PANK1: variants seen among roughly 807,000 people sequenced by gnomAD.
PANK1 encodes pantothenate kinase 1, also known as pantothenic acid kinase 1.
PANK1 carries 18 observed loss-of-function variants against 40.1 expected under a neutral mutation model. That is an observed-to-expected ratio of 0.45 (90% confidence interval 0.31 to 0.67). The LOEUF is 0.67. Ranked by LOEUF, PANK1 falls within the 30% of genes least tolerant of loss-of-function variation. The probability of loss-of-function intolerance (pLI) is 0.06; values close to 1 mark genes in which losing one functional copy is unlikely to be tolerated. For synonymous variants in PANK1, 242 were observed against 237.7 expected, an observed-to-expected ratio of 1.02 and a Z score of -0.17; for missense variants, 457 against 599.6, an observed-to-expected ratio of 0.76 and a Z score of 2.48.
chr10:89,628,257 C>A (rs549669956), intron 1 of PANK1, among the ~76,000 whole-genome samples: 1 of 152,032 alleles, frequency 6.6e-6, no homozygotes, highest in Non-Finnish European at 1.5e-5. Flanking sequence ...TTCACAATAG[C>A]CAAAAAGTAG....
Position 89,644,699 on chromosome 10 carries a change from G to A in PANK1, c.193C>T (p.Pro65Ser). The change falls in exon 1 of 7, where the codon CCG becomes TCG. Residue 65 changes from proline to serine, a missense_variant. Physicochemically the swap from Pro to Ser is moderately conservative, Grantham distance 74 (BLOSUM62 -1). Transcript: ENST00000307534. ...DAAPQRLPLL[P>S]ELQPQPLLPQ... ...AGCAGTGGCTGCGGCTGCAGCTCCG[G>A]CAGGAGCGGGAGGCGCTGGGGCGCC... 2 of 1,545,112 alleles carry A rather than the reference G, an allele frequency of 1.3e-6. No homozygotes were observed. Among genetic ancestry groups the A allele is most frequent in the Non-Finnish European group, 1.7e-6 (2 of 1,152,758 alleles).
intron 1 of PANK1, among the ~76,000 whole-genome samples, chr10:89,613,247 C>G (rs557249491): frequency 9.9e-5 from 15 of 152,242 alleles, no homozygotes; most frequent in African/African-American, 3.6e-4. Flanking sequence ...TGGCAAAACC[C>G]AAAACTGTAA....
In PANK1 at chr10:89,584,345, T is replaced by C. The variant is rs1300647791; in HGVS notation, c.*61A>G. Reference sequence around the variant, plus strand: ...CCGTCCCAAAGCGACTTTCACCTTCTCCAGCAGCAATTTTTTAGTTCTCTG... The same window carrying C: ...CCGTCCCAAAGCGACTTTCACCTTCCCCAGCAGCAATTTTTTAGTTCTCTG... On this transcript the variant is annotated 3_prime_UTR_variant, in exon 7 of 7. Coordinates refer to ENST00000307534, the MANE Select transcript of PANK1 (RefSeq NM_148977.3). 9.0e-7 allele frequency: 1 copy of C among 1,110,284 alleles called. No individual in the cohort carries two copies. The highest frequency in any genetic ancestry group is 1.5e-5 in the African/African-American group (1 of 65,164). The allele number at this position is 1,110,284 out of a possible 1,614,324, so 68.8% of individuals were successfully genotyped here.
chr10:89,611,628 G>C, intron 2 of PANK1, 68 bp downstream of exon 2: 1 of 1,147,414 alleles, frequency 8.7e-7, no homozygotes, highest in Admixed American at 2.3e-5. Flanking sequence ...TGGTTCTTCG[G>C]TATGAGTGGC....
At chr10:89,602,087 T>C (rs1844804889) in intron 2 of PANK1, among the ~76,000 whole-genome samples, 1 of 152,340 alleles carries the variant, frequency 6.6e-6, no homozygotes, top group Admixed American at 6.5e-5. Flanking sequence ...CATCAGCCAG[T>C]CTTGGAAGTA....
intron 5 of PANK1, among the ~76,000 whole-genome samples, chr10:89,590,075 G>A (rs796697105): frequency 1.5e-4 from 22 of 149,842 alleles, no homozygotes; most frequent in African/African-American, 5.1e-4. Context: ...AAAGAGATAG[G>A]GAAAAATATG....
chr10:89,634,690 T>A (rs1402006271), intron 1 of PANK1, among the ~76,000 whole-genome samples: 1 of 152,198 alleles, frequency 6.6e-6, no homozygotes, highest in Non-Finnish European at 1.5e-5. Flanking sequence ...TGCATATAAC[T>A]GCCTCACTCA....
At chr10:89,601,419 T>C (rs2133945876) in intron 2 of PANK1, among the ~76,000 whole-genome samples, 1 of 151,218 alleles carries the variant, frequency 6.6e-6, no homozygotes, top group African/African-American at 2.4e-5. Context: ...AAGTCAAGGC[T>C]GCAGCGAGCC....
chr10:89,606,615 C>G (rs1309542982), intron 2 of PANK1, among the ~76,000 whole-genome samples: 1 of 101,862 alleles, frequency 9.8e-6, no homozygotes, highest in Non-Finnish European at 2.5e-5. Context: ...CCTCTGCCTC[C>G]TGGGCTCAAG....
At chr10:89,600,320 G>A (rs1844738114) in intron 2 of PANK1, among the ~76,000 whole-genome samples, 2 of 152,150 alleles carry the variant, frequency 1.3e-5, no homozygotes, top group Non-Finnish European at 1.5e-5. Flanking sequence ...ACTGGGAACT[G>A]GGGTGAATCA....
At chr10:89,640,721 G>C (rs943130) in intron 1 of PANK1, among the ~76,000 whole-genome samples, 90,747 of 152,080 alleles carry the variant, frequency 0.6, 27,962 homozygotes, top group East Asian at 0.92. Context: ...ATCCCACACA[G>C]ACAAAACAGC....
At chr10:89,640,184 C>A (rs895423200) in intron 1 of PANK1, among the ~76,000 whole-genome samples, 2 of 151,574 alleles carry the variant, frequency 1.3e-5, no homozygotes, top group African/African-American at 4.8e-5. Flanking sequence ...ACATACAGAA[C>A]AATGGACACA....
At chr10:89,619,593 C>G (rs1363962089) in intron 1 of PANK1, among the ~76,000 whole-genome samples, 1 of 152,136 alleles carries the variant, frequency 6.6e-6, no homozygotes, top group East Asian at 1.9e-4. Flanking sequence ...TTCCCTAATG[C>G]CAATGTCTTC....
intron 2 of PANK1, among the ~76,000 whole-genome samples, chr10:89,603,943 A>C (rs959893590): frequency 3.9e-5 from 6 of 152,234 alleles, no homozygotes; most frequent in African/African-American, 1.4e-4. Flanking sequence ...CCAAGGTAAC[A>C]GGTGTTCCTA....
chr10:89,627,909 G>T (rs1841521480), intron 1 of PANK1, among the ~76,000 whole-genome samples: 1 of 152,080 alleles, frequency 6.6e-6, no homozygotes, highest in Non-Finnish European at 1.5e-5. Flanking sequence ...AAGAGCTCTG[G>T]CCCATAACAG....
chr10:89,640,183 A>G (rs1841930248), intron 1 of PANK1, among the ~76,000 whole-genome samples: 1 of 151,636 alleles, frequency 6.6e-6, no homozygotes, highest in Non-Finnish European at 1.5e-5. Context: ...CACATACAGA[A>G]CAATGGACAC....
In PANK1 at chr10:89,599,494, C is replaced by T; in HGVS notation, c.657G>A (p.Leu219=). 1.2e-6 allele frequency: 2 copies of T among 1,612,994 alleles called. No homozygotes were observed. Among genetic ancestry groups the T allele is most frequent in the Non-Finnish European group, 8.5e-7 (1 of 1,179,328 alleles). The change falls in exon 3 of 7, where the codon CTG becomes CTA. Residue 219 remains leucine, a synonymous_variant. Coordinates refer to ENST00000307534, the MANE Select transcript of PANK1 (RefSeq NM_148977.3). ...FEEDFRMIAD[L]QLHKLDELDC... ...CCAGTTCATCCAGTTTATGCAGCTG[C>T]AGGTCAGCAATCTAAAACAAAACAC... is the stretch of plus-strand genomic sequence containing the variant.
chr10:89,617,301 C>T (rs1028047451), intron 1 of PANK1, among the ~76,000 whole-genome samples: 5 of 152,176 alleles, frequency 3.3e-5, no homozygotes, highest in Non-Finnish European at 7.3e-5. Context: ...GAAATGGATT[C>T]TGGAGACTGG....
In PANK1 at chr10:89,637,924, T is replaced by A. The variant is rs528823070; in HGVS notation, c.292+6676A>T. Among the ~76,000 whole-genome samples, 110 of 52,854 alleles carry A rather than the reference T, an allele frequency of 2.1e-3. 1 individual carries two copies. In the East Asian group the frequency reaches 0.097, roughly 47 times the overall value. The allele number at this position is 52,854 out of a possible 152,430, so 34.7% of individuals were successfully genotyped here. ...ACAAGCTTTTTTCTATTTTTAAAATTTTTTAGTTTTTTTTTTTACTTTTTA... is the reference window on the plus strand; with the variant it reads ...ACAAGCTTTTTTCTATTTTTAAAATATTTTAGTTTTTTTTTTTACTTTTTA... On this transcript the variant is annotated intron_variant, in intron 1 of 6. Transcript: ENST00000307534.
Sources: allele counts gnomAD v4.1 joint callset (sites outside exome capture counted in the v4.1 genomes callset), GRCh38; gene constraint gnomAD v4.1.1; transcripts MANE v1.5; gene names NCBI Gene and HGNC (gene_info 2026-07-23, HGNC 2026-07-21).